The following CLASP2 variants were observed in gnomAD, a reference collection of about 807,000 sequenced individuals.
The protein encoded by CLASP2 is cytoplasmic linker associated protein 2.
Under a neutral mutation model 194.4 loss-of-function variants are expected in CLASP2, and 47 were observed. The observed-to-expected ratio is 0.24, with a 90% CI of 0.19 to 0.31. CLASP2 has a LOEUF of 0.31. Among genes scored for constraint, CLASP2 ranks in the 10% least tolerant of loss-of-function variants. The pLI is 1.00. For synonymous variants in CLASP2, 619 were observed against 633.5 expected (o/e 0.98, Z 0.34); for missense variants, 1,445 against 1,823.6 (o/e 0.79, Z 3.78).
intron 29 of CLASP2, among the ~76,000 whole-genome samples, chr3:33,557,056 C>A (rs535381589): frequency 6.6e-6 from 1 of 152,014 alleles, no homozygotes; most frequent in African/African-American, 2.4e-5. Context: ...TCACTGCAAC[C>A]TCCGCCTCTC....
chr3:33,518,607 C>A (rs2154104495), intron 34 of CLASP2, among the ~76,000 whole-genome samples: 1 of 152,286 alleles, frequency 6.6e-6, no homozygotes, highest in South Asian at 2.1e-4. Context: ...AAAAATCACT[C>A]CCGGAAATTT....
At chr3:33,567,011 T>C (rs2062858590) in intron 26 of CLASP2, among the ~76,000 whole-genome samples, 2 of 152,196 alleles carry the variant, frequency 1.3e-5, no homozygotes, top group Non-Finnish European at 2.9e-5. Flanking sequence ...AAACTCTTTT[T>C]TTTCCAGACC....
intron 36 of CLASP2, among the ~76,000 whole-genome samples, chr3:33,513,893 T>C (rs2050577710): frequency 6.6e-6 from 1 of 152,238 alleles, no homozygotes; most frequent in Non-Finnish European, 1.5e-5. Context: ...CCTTATGAGA[T>C]ACATGTCTGC....
intron 8 of CLASP2, among the ~76,000 whole-genome samples, chr3:33,633,307 T>A (rs1040691597): frequency 4.6e-5 from 7 of 152,260 alleles, no homozygotes; most frequent in Middle Eastern, 3.4e-3. Flanking sequence ...CTGCAGCTCA[T>A]CCTATCCAAA....
chr3:33,667,159 C>T (rs1008978062), intron 6 of CLASP2, among the ~76,000 whole-genome samples: 1 of 151,956 alleles, frequency 6.6e-6, no homozygotes, highest in Non-Finnish European at 1.5e-5. Flanking sequence ...TGCCTGTAAT[C>T]CCAGCACTTT....
chr3:33,714,976 T>G (rs2093222477), intron 1 of CLASP2, among the ~76,000 whole-genome samples: 1 of 152,214 alleles, frequency 6.6e-6, no homozygotes, highest in African/African-American at 2.4e-5. Context: ...GCCACCACAT[T>G]TAGAATAAAA....
chr3:33,595,018 T>TA, intron 19 of CLASP2, 50 bp from the exon 20 acceptor site: 1 of 1,213,186 alleles, frequency 8.2e-7, no homozygotes, highest in Non-Finnish European at 1.1e-6. Flanking sequence ...CCAATGTTGA[T>TA]ATTAAGACCT....
At chr3:33,671,690 A>C (rs1003730133) in intron 6 of CLASP2, among the ~76,000 whole-genome samples, 2 of 152,186 alleles carry the variant, frequency 1.3e-5, no homozygotes, top group Admixed American at 1.3e-4. Flanking sequence ...TTTCCTAGTC[A>C]AAGAAAGGGG....
rs1162101292 is a variant in CLASP2 at position 33,582,020 on chromosome 3, C to T, written c.2240-92G>A. 3 of 721,660 alleles carry T rather than the reference C, an allele frequency of 4.2e-6. No homozygotes were observed. In the East Asian group the frequency reaches 8.5e-5, roughly 20 times the overall value. 44.7% of individuals were successfully genotyped at this position (721,660 alleles called of 1,614,324 possible). ...ATTTTGTTTTTTTCTTTCTTAAAGA[C>T]TGAACAGTAACTTAAATTTTTCTAA... On this transcript the variant is annotated intron_variant, in intron 22 of 38. Transcript: ENST00000682230.
At chr3:33,608,428 C>G (rs1373199156) in intron 14 of CLASP2, 139 bp downstream of exon 14, 1 of 699,778 alleles carries the variant, frequency 1.4e-6, no homozygotes, top group African/African-American at 1.8e-5. Context: ...GAGCACAACA[C>G]CACCACAGCT....
At chr3:33,707,061 A>T (rs574228833) in intron 1 of CLASP2, among the ~76,000 whole-genome samples, 5 of 152,234 alleles carry the variant, frequency 3.3e-5, no homozygotes, top group Non-Finnish European at 4.4e-5. Flanking sequence ...CATGAATACC[A>T]CTAGCACCAC....
At chr3:33,675,660 G>A (rs899643433) in intron 6 of CLASP2, among the ~76,000 whole-genome samples, 7 of 149,376 alleles carry the variant, frequency 4.7e-5, no homozygotes, top group African/African-American at 1.7e-4. Context: ...CCTGTTTGCA[G>A]ATGACATGAT....
At chr3:33,712,715 C>G (rs2093074766) in intron 1 of CLASP2, among the ~76,000 whole-genome samples, 1 of 152,050 alleles carries the variant, frequency 6.6e-6, no homozygotes, top group African/African-American at 2.4e-5. Flanking sequence ...GTAATCCCAA[C>G]ACTTTGGGAG....
chr3:33,643,983 A>T (rs570561021), intron 8 of CLASP2, among the ~76,000 whole-genome samples: 1 of 152,254 alleles, frequency 6.6e-6, no homozygotes, highest in South Asian at 2.1e-4. Flanking sequence ...AAAAGGAAAG[A>T]AAGGAAAAGA....
At chr3:33,672,066 T>C (rs557205143) in intron 6 of CLASP2, among the ~76,000 whole-genome samples, 2 of 152,342 alleles carry the variant, frequency 1.3e-5, no homozygotes, top group African/African-American at 2.4e-5. Flanking sequence ...TAAATGTCCC[T>C]GTCTGACAGC....
chr3:33,716,192 C>T (rs1391382351), intron 1 of CLASP2, among the ~76,000 whole-genome samples: 5 of 152,124 alleles, frequency 3.3e-5, no homozygotes, highest in African/African-American at 1.2e-4. Flanking sequence ...GAGACTATGG[C>T]AGTTCTCTTC....
At chr3:33,645,672 T>C (rs2082148288) in intron 7 of CLASP2, among the ~76,000 whole-genome samples, 1 of 152,148 alleles carries the variant, frequency 6.6e-6, no homozygotes, top group Non-Finnish European at 1.5e-5. Flanking sequence ...GACATGAAAA[T>C]TTATATAAAT....
At chr3:33,542,447 ATAGGGAAGGGT>A (rs1250565321) in intron 32 of CLASP2, among the ~76,000 whole-genome samples, 2 of 148,978 alleles carry the variant, frequency 1.3e-5, no homozygotes, top group African/African-American at 4.9e-5. Context: ...AAAATAACAA[ATAGGGAAGGGT>A]TAAATATATA....
intron 6 of CLASP2, among the ~76,000 whole-genome samples, chr3:33,668,989 C>A (rs548000967): frequency 6.6e-6 from 1 of 152,234 alleles, no homozygotes; most frequent in South Asian, 2.1e-4. Context: ...TATGATAAAA[C>A]CCCTATGAAG....
Sources: gnomAD v4.1 joint callset for allele counts (sites outside exome capture counted in the v4.1 genomes callset) on GRCh38, gnomAD v4.1.1 for gene constraint, MANE v1.5 for transcripts, NCBI Gene and HGNC (gene_info 2026-07-23, HGNC 2026-07-21) for gene names.